The following NACC1 variants were observed in gnomAD, a reference collection of about 807,000 sequenced individuals.
The protein encoded by NACC1 is nucleus accumbens-associated protein 1.
NACC1 carries 6 observed loss-of-function variants against 41.7 expected under a neutral mutation model. The observed-to-expected ratio is 0.14, with a 90% CI of 0.08 to 0.28. The LOEUF is 0.28. Among genes scored for constraint, NACC1 ranks in the 10% least tolerant of loss-of-function variants. NACC1 has a pLI of 1.00. For missense variants in NACC1, 434 were observed against 763.7 expected, an observed-to-expected ratio of 0.57 and a Z score of 5.09; for synonymous variants, 338 against 330.6, an observed-to-expected ratio of 1.02 and a Z score of -0.24.
At position 13,127,107 on chromosome 19, in the gene NACC1, A is replaced by T. The variant is rs190725839; in HGVS notation, c.-8-8093A>T. 2.6e-5 allele frequency among the ~76,000 whole-genome samples: 4 copies of T among 151,824 alleles called. No homozygotes were observed. The East Asian group carries it at 7.8e-4, about 30-fold the overall frequency. On this transcript the variant is annotated intron_variant, in intron 1 of 5. Coordinates refer to ENST00000292431, the MANE Select transcript of NACC1 (RefSeq NM_052876.4). ...ATGCACAAATAAATAATTTTTTTTTAGAAAAAGAAAAATGGCCAGCTTGCT... is the reference window on the plus strand; with the variant it reads ...ATGCACAAATAAATAATTTTTTTTTTGAAAAAGAAAAATGGCCAGCTTGCT...
At position 13,137,385 on chromosome 19, in the gene NACC1, C is replaced by T. The variant is rs1175736646; in HGVS notation, c.1226+9C>T. On this transcript the variant is annotated intron_variant, in intron 4 of 5. Transcript: ENST00000292431. This position sits in a 1 kb window ranked among gnomAD's most constrained non-coding sequence, Gnocchi z 6.1. ...GCCTCCTTCTTTGACCGGTAAGGCC[C>T]TTGCCAGAGCCCCAGGGAGGGGGGT... 3.7e-6 allele frequency: 6 copies of T among 1,612,610 alleles called. No individual in the cohort carries two copies. The highest frequency in any genetic ancestry group is 1.6e-4 in the Middle Eastern group (1 of 6,078).
intron 1 of NACC1, among the ~76,000 whole-genome samples, chr19:13,134,400 T>C (rs549354583): frequency 6.6e-6 from 1 of 151,182 alleles, no homozygotes; most frequent in South Asian, 2.1e-4. Context: ...TGAGACAGTC[T>C]TACTCTATGC....
chr19:13,136,873 G>A lies in NACC1; in HGVS notation c.1121-398G>A, dbSNP rs2019714781. Reference sequence around the variant, plus strand: ...ACTTCATCTCTTAAAAAAAGAAGAAGAAGACTGTGTTTGGTCCTTGGGTCA... The same window carrying A: ...ACTTCATCTCTTAAAAAAAGAAGAAAAAGACTGTGTTTGGTCCTTGGGTCA... On this transcript the variant is annotated intron_variant, in intron 3 of 5. Coordinates refer to ENST00000292431, the MANE Select transcript of NACC1 (RefSeq NM_052876.4). This position sits in a 1 kb window ranked among gnomAD's most constrained non-coding sequence, Gnocchi z 5.5. 1.3e-5 allele frequency among the ~76,000 whole-genome samples: 2 copies of A among 152,262 alleles called. No individual in the cohort carries two copies. The highest frequency in any genetic ancestry group is 4.1e-4 in the South Asian group (2 of 4,830).
At chr19:13,119,560 G>A (rs2019462168) in intron 1 of NACC1, among the ~76,000 whole-genome samples, 1 of 152,072 alleles carries the variant, frequency 6.6e-6, no homozygotes, top group Non-Finnish European at 1.5e-5. Context: ...CTAGTGGATG[G>A]GACCTCACAG....
At position 13,138,106 on chromosome 19, in the gene NACC1, C is replaced by G. The variant is rs1285832116; in HGVS notation, c.1325-41C>G. The G allele has an allele frequency of 1.9e-6, 3 of 1,602,292 alleles. No homozygotes were observed. The Admixed American group carries it at 5.0e-5, about 27-fold the overall frequency. On this transcript the variant is annotated intron_variant, in intron 5 of 5. Coordinates refer to ENST00000292431, the MANE Select transcript of NACC1 (RefSeq NM_052876.4). The surrounding 1 kb of genome is among the most constrained non-coding windows in gnomAD (Gnocchi z 5.7). ...TGGTGAGTAGGCCTTGTGGGAGTCACCTGGCCCCCGTGCCAAGGCCGCACC... is the reference window on the plus strand; with the variant it reads ...TGGTGAGTAGGCCTTGTGGGAGTCAGCTGGCCCCCGTGCCAAGGCCGCACC...
chr19:13,134,256 C>T (rs1208241268), intron 1 of NACC1, among the ~76,000 whole-genome samples: 1 of 152,092 alleles, frequency 6.6e-6, no homozygotes, highest in African/African-American at 2.4e-5. Context: ...GGCAGGGTTT[C>T]ACCATGCTGC....
At chr19:13,127,681 CAAA>C (rs907382539) in intron 1 of NACC1, among the ~76,000 whole-genome samples, 1 of 126,918 alleles carries the variant, frequency 7.9e-6, no homozygotes, top group Non-Finnish European at 1.7e-5. Flanking sequence ...GACTCTGCCT[CAAA>C]AAAAAAAAGA....
chr19:13,118,168 C>T (rs1285949119), upstream of NACC1: 1 of 151,722 alleles, frequency 6.6e-6, no homozygotes, highest in Non-Finnish European at 1.5e-5. Flanking sequence ...GCTGGCCTCG[C>T]CTGGAGGGCG....
At chr19:13,121,721 C>T (rs966884675) in intron 1 of NACC1, among the ~76,000 whole-genome samples, 9 of 152,126 alleles carry the variant, frequency 5.9e-5, no homozygotes, top group African/African-American at 2.2e-4. Context: ...TGGTGGTGAG[C>T]CACCGGGGCT....
intron 1 of NACC1, among the ~76,000 whole-genome samples, chr19:13,124,989 G>A (rs1197190933): frequency 6.6e-6 from 1 of 151,932 alleles, no homozygotes; most frequent in Non-Finnish European, 1.5e-5. Context: ...TATGTCTCTC[G>A]TCTTTGCAAA....
Position 13,136,618 on chromosome 19 carries a change from G to A in NACC1, c.1120+213G>A, listed in dbSNP as rs541433509. On this transcript the variant is annotated intron_variant, in intron 3 of 5. Transcript: ENST00000292431. This position sits in a 1 kb window ranked among gnomAD's most constrained non-coding sequence, Gnocchi z 5.5. ...CTCTAGGTTTCTGGCTTAAGGGGTC[G>A]GGGCGAGCATTGGCTATTATTGTTT... is the stretch of plus-strand genomic sequence containing the variant. Among the ~76,000 whole-genome samples, 1 of 152,276 alleles carries A rather than the reference G, an allele frequency of 6.6e-6. No homozygotes were observed. Among genetic ancestry groups the A allele is most frequent in the African/African-American group, 2.4e-5 (1 of 41,552 alleles).
At position 13,135,689 on chromosome 19, in the gene NACC1, C is replaced by G; in HGVS notation, c.482C>G (p.Pro161Arg). 1.9e-6 allele frequency: 3 copies of G among 1,554,278 alleles called. No individual in the cohort carries two copies. Among genetic ancestry groups the G allele is most frequent in the Non-Finnish European group, 2.6e-6 (3 of 1,152,900 alleles). ...SGWPACSTPLPLVSRVKTEQQ... is the reference protein window; with the variant it reads ...SGWPACSTPLRLVSRVKTEQQ... Reference sequence around the variant, plus strand: ...TGGCCAGCCTGTAGCACCCCGCTGCCCCTCGTGTCGCGGGTGAAGACGGAG... The same window carrying G: ...TGGCCAGCCTGTAGCACCCCGCTGCGCCTCGTGTCGCGGGTGAAGACGGAG... Residue 161 changes from proline (P) to arginine (R), a missense_variant, in exon 2 of 6, where the codon CCC (proline) becomes CGC (arginine). Pro to Arg is a moderately radical substitution (Grantham distance 103). Transcript: ENST00000292431.
In NACC1 at chr19:13,135,786, TG is replaced by T; in HGVS notation, c.584del (p.Gly195AlafsTer59). On this transcript the variant is annotated frameshift_variant, in exon 2 of 6. Transcript: ENST00000292431. LOFTEE classifies it high-confidence loss of function. Reference sequence around the variant, plus strand: ...TGTGGGACAGTGGCCAGAAGGAGGCTGGGGGCGGCGGCAATGGCAGCCGCAA... The same window carrying T: ...TGTGGGACAGTGGCCAGAAGGAGGCTGGGGCGGCGGCAATGGCAGCCGCAA... ...RLWDSGQKEA[G>X]GGGNGSRKMA... 3 of 1,557,812 alleles carry T rather than the reference TG, an allele frequency of 1.9e-6. No individual in the cohort carries two copies. The highest frequency in any genetic ancestry group is 1.7e-6 in the Non-Finnish European group (2 of 1,152,522).
At position 13,135,662 on chromosome 19, in the gene NACC1, G is replaced by A; in HGVS notation, c.455G>A (p.Gly152Asp). The A allele has an allele frequency of 6.4e-7, 1 of 1,558,174 alleles. No individual in the cohort carries two copies. Among genetic ancestry groups the A allele is most frequent in the Non-Finnish European group, 8.7e-7 (1 of 1,155,600 alleles). Residue 152 changes from glycine (G) to aspartate (D), a missense_variant, in exon 2 of 6, where the codon GGC (glycine) becomes GAC (aspartate). Transcript: ENST00000292431. ...EPQSPVAQTS[G>D]WPACSTPLPL... ...CAGAGCCCCGTGGCGCAGACATCGG[G>A]CTGGCCAGCCTGTAGCACCCCGCTG...
intron 1 of NACC1, among the ~76,000 whole-genome samples, chr19:13,129,451 T>C (rs1231390503): frequency 6.6e-6 from 1 of 150,714 alleles, no homozygotes; most frequent in Non-Finnish European, 1.5e-5. Flanking sequence ...TTGGGCCGGA[T>C]TGGGCCAATC....
intron 1 of NACC1, among the ~76,000 whole-genome samples, chr19:13,129,058 C>T (rs370077022): frequency 6.6e-6 from 1 of 152,164 alleles, no homozygotes; most frequent in Non-Finnish European, 1.5e-5. Context: ...CTTAAGGGCA[C>T]TGTGGCCGGG....
chr19:13,127,371 C>CTTTTTTTTTT lies in NACC1; in HGVS notation c.-8-7809_-8-7800dup, dbSNP rs147514422. 3.5e-3 allele frequency among the ~76,000 whole-genome samples: 99 copies of CTTTTTTTTTT among 28,510 alleles called. 16 individuals are homozygous for CTTTTTTTTTT. The highest frequency in any genetic ancestry group is 4.4e-3 in the African/African-American group (34 of 7,782). 18.7% of individuals were successfully genotyped at this position (28,510 alleles called of 152,430 possible). On this transcript the variant is annotated intron_variant, in intron 1 of 5. Coordinates refer to ENST00000292431, the MANE Select transcript of NACC1 (RefSeq NM_052876.4). ...AAAAAAAAGCATACATATACATATA[C>CTTTTTTTTTT]TTTTTTTTTTTTTTTTTTTTTTTTT...
At chr19:13,129,559 G>A (rs2019606150) in intron 1 of NACC1, among the ~76,000 whole-genome samples, 1 of 152,136 alleles carries the variant, frequency 6.6e-6, no homozygotes, top group Non-Finnish European at 1.5e-5. Context: ...GGAACTAGAC[G>A]AACAGCATTC....
At chr19:13,117,207 C>T (rs555744612), upstream of NACC1, 4 of 152,330 alleles carry the variant, frequency 2.6e-5, no homozygotes, top group African/African-American at 9.6e-5. Flanking sequence ...ATTGTAAGCG[C>T]TCGGTAAAGT....
Sources: gnomAD v4.1 joint callset for allele counts (sites outside exome capture counted in the v4.1 genomes callset) on GRCh38, gnomAD v4.1.1 for gene constraint, Gnocchi (gnomAD v3.1) non-coding constraint, MANE v1.5 for transcripts, NCBI Gene and HGNC (gene_info 2026-07-23, HGNC 2026-07-21) for gene names.